The following RBFOX1 variants were observed in gnomAD, a reference collection of about 807,000 sequenced individuals.
RBFOX1 encodes RNA binding protein fox-1 homolog 1.
A neutral mutation model predicts 57.7 loss-of-function variants in RBFOX1; 8 were observed. The observed-to-expected ratio is 0.14, with a 90% CI of 0.08 to 0.25. The LOEUF (loss-of-function observed/expected upper bound fraction) is 0.25, where lower values mean the gene tolerates loss of function less well. Ranked by LOEUF, RBFOX1 falls within the 10% of genes least tolerant of loss-of-function variation. The pLI is 1.00. For synonymous variants in RBFOX1, 326 were observed against 222.4 expected, an observed-to-expected ratio of 1.47 and a Z score of -4.15; for missense variants, 611 against 548.5, an observed-to-expected ratio of 1.11 and a Z score of -1.14.
intron 3 of RBFOX1, among the ~76,000 whole-genome samples, chr16:5,648,689 G>C (rs902781871): frequency 6.6e-6 from 1 of 152,100 alleles, no homozygotes; most frequent in Non-Finnish European, 1.5e-5. Flanking sequence ...GCATTTAGAC[G>C]TGGGCAGGAC....
At chr16:5,594,543 G>A (rs950505474) in intron 2 of RBFOX1, among the ~76,000 whole-genome samples, 4 of 152,174 alleles carry the variant, frequency 2.6e-5, no homozygotes, top group Non-Finnish European at 5.9e-5. Flanking sequence ...CTGGAAAGGC[G>A]GGAGAACTTG....
chr16:6,197,688 A>T (rs1029779493), intron 1 of RBFOX1, among the ~76,000 whole-genome samples: 4 of 149,088 alleles, frequency 2.7e-5, no homozygotes, highest in Admixed American at 6.7e-5. Flanking sequence ...TTGTTTTCTT[A>T]TATAGATAAA....
At chr16:6,045,495 G>A (rs1192566213) in intron 1 of RBFOX1, among the ~76,000 whole-genome samples, 1 of 152,162 alleles carries the variant, frequency 6.6e-6, no homozygotes, top group Non-Finnish European at 1.5e-5. Context: ...TGATGAGTCT[G>A]TTTATTCATT....
chr16:6,920,768 G>C (rs1176653427), intron 3 of RBFOX1, among the ~76,000 whole-genome samples: 2 of 152,138 alleles, frequency 1.3e-5, no homozygotes, highest in African/African-American at 4.8e-5. Context: ...CTCTGTCTCT[G>C]TGTGTGTCTT....
chr16:5,270,601 C>T, intron 1 of RBFOX1: 17 of 578,724 alleles, frequency 2.9e-5, no homozygotes, highest in South Asian at 2.2e-4. Context: ...TTGGTTTTAC[C>T]AAAAAACGCA....
chr16:6,271,029 C>T (rs566317679), intron 1 of RBFOX1, among the ~76,000 whole-genome samples: 1 of 152,264 alleles, frequency 6.6e-6, no homozygotes, highest in Non-Finnish European at 1.5e-5. Context: ...ATTTGTGGGA[C>T]ACAGCTAAAG....
At chr16:5,670,970 TG>T (rs2049996713) in intron 3 of RBFOX1, among the ~76,000 whole-genome samples, 1 of 152,182 alleles carries the variant, frequency 6.6e-6, no homozygotes, top group Non-Finnish European at 1.5e-5. Flanking sequence ...AGCTGGCAGG[TG>T]GCAGGGACAG....
chr16:7,430,045 C>G (rs974586901), intron 4 of RBFOX1, among the ~76,000 whole-genome samples: 2 of 152,146 alleles, frequency 1.3e-5, no homozygotes, highest in African/African-American at 4.8e-5. Context: ...TAACATGATT[C>G]TTCACAGAGA....
At chr16:6,819,434 CG>C (rs1390587274) in intron 3 of RBFOX1, among the ~76,000 whole-genome samples, 1 of 152,042 alleles carries the variant, frequency 6.6e-6, no homozygotes, top group Non-Finnish European at 1.5e-5. Flanking sequence ...AAAGGTAGGC[CG>C]GGCATGGTGG....
At chr16:7,368,263 T>TC (rs1303158602) in intron 4 of RBFOX1, among the ~76,000 whole-genome samples, 1,724 of 144,214 alleles carry the variant, frequency 0.012, 28 homozygotes, top group African/African-American at 0.041. Flanking sequence ...TGAGACTGTC[T>TC]CGAAAAAAAA....
chr16:7,606,141 C>T (rs538621108), intron 9 of RBFOX1, among the ~76,000 whole-genome samples: 5 of 140,164 alleles, frequency 3.6e-5, no homozygotes, highest in African/African-American at 8.0e-5. Context: ...TTTTTTTTCC[C>T]GAGAGAGTCT....
In RBFOX1 at chr16:6,150,048, C is replaced by T. The variant is rs146523034; in HGVS notation, c.-127+130056C>T. Among the ~76,000 whole-genome samples, 118 of 152,208 alleles carry T rather than the reference C, an allele frequency of 7.8e-4. 1 individual carries two copies. The highest frequency in any genetic ancestry group is 1.8e-3 in the Admixed American group (28 of 15,294). On this transcript the variant is annotated intron_variant, in intron 1 of 15. Transcript: ENST00000550418. ...CTGTCAATTCAGCAGATGTAGAGCG[C>T]GATTCTATGCACTGTGGGGCAAGGT...
chr16:7,422,696 G>T (rs1174772661), intron 4 of RBFOX1: 2 of 152,162 alleles, frequency 1.3e-5, no homozygotes, highest in African/African-American at 2.4e-5. Flanking sequence ...AGATGTATAG[G>T]AGTGAGGAGA....
chr16:6,014,940 C>G (rs187729027), upstream of RBFOX1, among the ~76,000 whole-genome samples: 2 of 151,732 alleles, frequency 1.3e-5, no homozygotes, highest in Admixed American at 1.3e-4. Flanking sequence ...TCTGTAGCCT[C>G]AAGCTCCCAG....
At chr16:7,546,531 C>G (rs1379985482) in intron 5 of RBFOX1, among the ~76,000 whole-genome samples, 1 of 151,954 alleles carries the variant, frequency 6.6e-6, no homozygotes, top group Non-Finnish European at 1.5e-5. Context: ...ATTTCATCAC[C>G]TCGTTGACCA....
rs867503701 is a variant in RBFOX1, at chr16:6,779,973, T to C, written c.-16+125323T>C. Among the ~76,000 whole-genome samples, 208 of 24,828 alleles carry C rather than the reference T, an allele frequency of 8.4e-3. 1 individual carries two copies. Among genetic ancestry groups the C allele is most frequent in the Middle Eastern group, 0.026 (1 of 38 alleles). The allele number at this position is 24,828 out of a possible 152,430, so 16.3% of individuals were successfully genotyped here. A position where few individuals can be genotyped will look rare whatever the true frequency, so the allele number is the denominator to read the frequency against. On this transcript the variant is annotated intron_variant, in intron 3 of 15. Transcript: ENST00000550418. The stretch of plus-strand genomic sequence containing the variant: ...TATATATTTATATATTTATATATAT[T>C]TATATATTTATATATTTATATATTT...
intron 3 of RBFOX1, among the ~76,000 whole-genome samples, chr16:6,802,721 C>G (rs866810294): frequency 7.9e-5 from 12 of 152,270 alleles, no homozygotes; most frequent in African/African-American, 2.9e-4. Context: ...TTTTATATTC[C>G]TTTATTCATT....
At chr16:5,395,233 C>G (rs553400148) in intron 1 of RBFOX1, among the ~76,000 whole-genome samples, 2 of 152,372 alleles carry the variant, frequency 1.3e-5, no homozygotes, top group South Asian at 2.1e-4. Flanking sequence ...CTCCATCTCA[C>G]TAACTCTTCC....
chr16:5,337,325 G>T (rs1276048163), intron 1 of RBFOX1, among the ~76,000 whole-genome samples: 1 of 152,144 alleles, frequency 6.6e-6, no homozygotes, highest in Non-Finnish European at 1.5e-5. Flanking sequence ...CCCAAAGACC[G>T]CTCTACTCTC....
Sources: gnomAD v4.1 joint callset for allele counts (sites outside exome capture counted in the v4.1 genomes callset) on GRCh38, gnomAD v4.1.1 for gene constraint, MANE v1.5 for transcripts, NCBI Gene and HGNC (gene_info 2026-07-23, HGNC 2026-07-21) for gene names.